The following NBEA variants were observed in gnomAD, a reference collection of about 807,000 sequenced individuals.
NBEA encodes the protein lysosomal-trafficking regulator 2.
In NBEA, 44 loss-of-function variants were observed where a neutral mutation model predicts 343.4. That is an observed-to-expected ratio of 0.13 (90% CI 0.10 to 0.16). The LOEUF is 0.16. Among genes scored for constraint, NBEA ranks in the 10% least tolerant of loss-of-function variants. The pLI, the probability that NBEA is intolerant of heterozygous loss-of-function variation, is 1.00. For synonymous variants in NBEA, 1,175 were observed against 1,238.7 expected, an observed-to-expected ratio of 0.95 and a Z score of 1.08; for missense variants, 2,555 against 3,631.3, an observed-to-expected ratio of 0.70 and a Z score of 7.62.
intron 36 of NBEA, among the ~76,000 whole-genome samples, chr13:35,311,295 T>C (rs964538300): frequency 2.0e-5 from 3 of 151,720 alleles, no homozygotes; most frequent in Admixed American, 6.6e-5. Flanking sequence ...TCCACAATTA[T>C]TTTGTTTCAA....
At chr13:35,407,102 G>A (rs867138879) in intron 38 of NBEA, among the ~76,000 whole-genome samples, 7 of 149,738 alleles carry the variant, frequency 4.7e-5, no homozygotes, top group African/African-American at 1.7e-4. Flanking sequence ...TGGGAGTACA[G>A]GCACCCGCCA....
Position 35,024,094 on chromosome 13 carries a change from GA to G in NBEA, c.295-16838del, listed in dbSNP as rs1210043236. ...CATTTTCTGATGGACTTAAAAGTGG[GA>G]GCTTATTTGTGTTCATGTGATAATT... On this transcript the variant is annotated intron_variant, in intron 1 of 58. Coordinates refer to ENST00000379939, the MANE Select transcript of NBEA (RefSeq NM_001385012.1). 6.6e-5 allele frequency among the ~76,000 whole-genome samples: 10 copies of G among 152,088 alleles called. 1 individual carries two copies. In the East Asian group the frequency reaches 1.9e-3, roughly 29 times the overall value.
chr13:35,256,419 T>C (rs183646124), intron 34 of NBEA, among the ~76,000 whole-genome samples: 1 of 152,136 alleles, frequency 6.6e-6, no homozygotes, highest in East Asian at 1.9e-4. Context: ...CCTGAAAAAA[T>C]CACCATAAGT....
At chr13:35,441,967 A>G (rs1375401543) in intron 39 of NBEA, among the ~76,000 whole-genome samples, 1 of 152,010 alleles carries the variant, frequency 6.6e-6, no homozygotes, top group Non-Finnish European at 1.5e-5. Context: ...TTTCTAATTC[A>G]CATTCTGCTG....
chr13:35,117,646 T>A (rs1479767813), intron 14 of NBEA, among the ~76,000 whole-genome samples, 153 bp downstream of exon 14: 1 of 152,024 alleles, frequency 6.6e-6, no homozygotes, highest in Non-Finnish European at 1.5e-5. Flanking sequence ...TTATTGAACT[T>A]AACTAACTTC....
Position 34,960,693 on chromosome 13 carries a change from T to C in NBEA, c.294+17579T>C, listed in dbSNP as rs1017500589. Among the ~76,000 whole-genome samples the C allele has an allele frequency of 5.7e-4, 87 of 152,152 alleles. 4 individuals are homozygous for C. The highest frequency in any genetic ancestry group is 2.9e-5 in the Non-Finnish European group (2 of 68,014). ...TTGTTTATGCAATACAGTAACATGC[T>C]GTGCAGGTTTGCAGCCTAGGAACAA... On this transcript the variant is annotated intron_variant, in intron 1 of 58. Transcript: ENST00000379939.
At chr13:35,343,503 C>T (rs576262292) in intron 36 of NBEA, among the ~76,000 whole-genome samples, 3 of 152,176 alleles carry the variant, frequency 2.0e-5, no homozygotes, top group Admixed American at 2.0e-4. Context: ...TCAGGGGTCC[C>T]CAATCCCTGG....
intron 39 of NBEA, among the ~76,000 whole-genome samples, chr13:35,436,980 G>A (rs981088232): frequency 6.6e-6 from 1 of 152,136 alleles, no homozygotes; most frequent in African/African-American, 2.4e-5. Context: ...GACCATCAAA[G>A]CAATCCCTGG....
intron 48 of NBEA, among the ~76,000 whole-genome samples, chr13:35,615,666 C>T (rs1250566373): frequency 6.6e-6 from 1 of 152,122 alleles, no homozygotes; most frequent in African/African-American, 2.4e-5. Context: ...AATTTACATG[C>T]CAAATACCAC....
chr13:35,437,694 A>AT (rs1316609639), intron 39 of NBEA, among the ~76,000 whole-genome samples: 1 of 152,170 alleles, frequency 6.6e-6, no homozygotes, highest in Non-Finnish European at 1.5e-5. Context: ...ATTACCATGA[A>AT]TTTTATGGAC....
chr13:34,996,165 T>C (rs2060933358), intron 1 of NBEA, among the ~76,000 whole-genome samples: 1 of 152,230 alleles, frequency 6.6e-6, no homozygotes, highest in Non-Finnish European at 1.5e-5. Flanking sequence ...AATTACAACC[T>C]TGTTACTTCA....
chr13:35,126,845 G>A (rs1420859291), intron 17 of NBEA, among the ~76,000 whole-genome samples: 1 of 151,546 alleles, frequency 6.6e-6, no homozygotes, highest in Admixed American at 6.6e-5. Flanking sequence ...TTCAACCCGG[G>A]AGGTGGAGGT....
At chr13:35,169,480 G>C (rs1463918622) in intron 25 of NBEA, among the ~76,000 whole-genome samples, 1 of 151,284 alleles carries the variant, frequency 6.6e-6, no homozygotes, top group Non-Finnish European at 1.5e-5. Flanking sequence ...AAAACACTTT[G>C]ATGGATTATA....
At chr13:35,373,707 A>AAATAATAATAATAATAATAATAAT (rs60612475) in intron 38 of NBEA, among the ~76,000 whole-genome samples, 4,021 of 149,722 alleles carry the variant, frequency 0.027, 67 homozygotes, top group Non-Finnish European at 0.037. Flanking sequence ...ACTGTCTCAA[A>AAATAATAATAATAATAATAATAAT]AATAATAATA....
intron 33 of NBEA, among the ~76,000 whole-genome samples, chr13:35,215,432 A>G (rs182500684): frequency 2.0e-5 from 3 of 151,652 alleles, no homozygotes; most frequent in Admixed American, 6.6e-5. Context: ...TAAATTTCCA[A>G]TTGGGAGTTA....
At chr13:35,058,688 G>T (rs768002538) in intron 7 of NBEA, 29 bp from the exon 8 acceptor site, 18 of 1,527,788 alleles carry the variant, frequency 1.2e-5, no homozygotes, top group Non-Finnish European at 1.5e-5. Flanking sequence ...TAAAAATAAT[G>T]CATTTTTCTT....
Position 35,439,056 on chromosome 13 carries a change from A to G in NBEA, c.6304+6663A>G, listed in dbSNP as rs565282320. ...CCTGCTGGATTTGGAGACTGAGACA[A>G]TCAGTTTCTTCCATCTAACAGCACA... On this transcript the variant is annotated intron_variant, in intron 39 of 58. Coordinates refer to ENST00000379939, the MANE Select transcript of NBEA (RefSeq NM_001385012.1). Among the ~76,000 whole-genome samples the G allele has an allele frequency of 5.9e-5, 9 of 152,290 alleles. No homozygotes were observed. In the East Asian group the frequency reaches 1.5e-3, roughly 26 times the overall value.
intron 34 of NBEA, among the ~76,000 whole-genome samples, chr13:35,249,151 CA>C (rs1179922550): frequency 0.063 from 3,139 of 49,710 alleles, 22 homozygotes; most frequent in Middle Eastern, 0.11. Flanking sequence ...CTCCATCTTA[CA>C]AAAAAAAAAA....
At chr13:35,110,535 TTAA>T (rs1277468563) in intron 12 of NBEA, among the ~76,000 whole-genome samples, 2 of 152,128 alleles carry the variant, frequency 1.3e-5, no homozygotes, top group Non-Finnish European at 2.9e-5. Flanking sequence ...TTTTATCAGA[TTAA>T]TTTCAATAAA....
Sources: gnomAD v4.1 joint callset for allele counts (sites outside exome capture counted in the v4.1 genomes callset) on GRCh38, gnomAD v4.1.1 for gene constraint, MANE v1.5 for transcripts, NCBI Gene and HGNC (gene_info 2026-07-23, HGNC 2026-07-21) for gene names.